The following TMEM117 variants were observed in gnomAD, a reference collection of about 807,000 sequenced individuals.
TMEM117 encodes the protein transmembrane protein 117.
A neutral mutation model predicts 52.4 loss-of-function variants in TMEM117; 27 were observed. That is an observed-to-expected ratio of 0.51 (90% CI 0.38 to 0.71). TMEM117 has a LOEUF of 0.71. Among genes scored for constraint, TMEM117 ranks in the 30% least tolerant of loss-of-function variants. The pLI is 0.00. For missense variants in TMEM117, 556 were observed against 630.5 expected, an observed-to-expected ratio of 0.88 and a Z score of 1.26; for synonymous variants, 215 against 206.3, an observed-to-expected ratio of 1.04 and a Z score of -0.36.
chr12:44,351,189 AT>A (rs576479030), intron 6 of TMEM117, among the ~76,000 whole-genome samples: 62 of 151,952 alleles, frequency 4.1e-4, no homozygotes, highest in African/African-American at 1.2e-3. Context: ...TCTTTTGTCT[AT>A]TTTTTATTGG....
At chr12:44,394,448 C>T (rs546024800), downstream of TMEM117, among the ~76,000 whole-genome samples, 12 of 152,310 alleles carry the variant, frequency 7.9e-5, no homozygotes, top group South Asian at 2.5e-3. Flanking sequence ...TCCCAATTTT[C>T]TGTCCCTGTT....
intron 3 of TMEM117, among the ~76,000 whole-genome samples, chr12:44,092,387 A>G (rs1020400035): frequency 9.9e-5 from 15 of 152,188 alleles, no homozygotes; most frequent in African/African-American, 3.6e-4. Flanking sequence ...TGGGCCAGGT[A>G]CTGATGGGTA....
chr12:43,796,689 C>T, the TMEM117 span, among the ~76,000 whole-genome samples: 5 of 152,134 alleles, frequency 3.3e-5, no homozygotes, highest in African/African-American at 1.2e-4. Flanking sequence ...CCAGTAGCCA[C>T]ATTTAGCTAA....
At chr12:44,280,877 T>C (rs933013287) in intron 5 of TMEM117, among the ~76,000 whole-genome samples, 1 of 151,388 alleles carries the variant, frequency 6.6e-6, no homozygotes, top group African/African-American at 2.4e-5. Flanking sequence ...CCACTGAGTT[T>C]ACCAAACAAG....
intron 2 of TMEM117, among the ~76,000 whole-genome samples, chr12:43,853,784 G>A (rs753491818): frequency 9.2e-5 from 14 of 152,158 alleles, no homozygotes; most frequent in Non-Finnish European, 1.8e-4. Flanking sequence ...TGAGAATTTA[G>A]GAGAGAGGAT....
chr12:44,319,655 A>G (rs2138695778), intron 6 of TMEM117, among the ~76,000 whole-genome samples: 1 of 152,366 alleles, frequency 6.6e-6, no homozygotes, highest in Admixed American at 6.5e-5. Flanking sequence ...AAGAAAAATA[A>G]TGCATTTTCT....
intron 5 of TMEM117, among the ~76,000 whole-genome samples, chr12:44,282,693 C>T (rs1044867477): frequency 5.3e-5 from 8 of 152,182 alleles, no homozygotes; most frequent in African/African-American, 1.9e-4. Context: ...TGCAGCCTGA[C>T]TATGTGACAG....
intron 3 of TMEM117, among the ~76,000 whole-genome samples, chr12:44,015,918 G>A (rs1946367089): frequency 6.6e-6 from 1 of 152,116 alleles, no homozygotes; most frequent in South Asian, 2.1e-4. Context: ...TTTTGATGTA[G>A]AGAGTTTTAT....
At chr12:44,202,995 A>T (rs1273564176) in intron 4 of TMEM117, among the ~76,000 whole-genome samples, 1 of 151,764 alleles carries the variant, frequency 6.6e-6, no homozygotes, top group East Asian at 1.9e-4. Flanking sequence ...GGGTTTTGGT[A>T]TGTTGGCTAC....
chr12:43,959,020 G>T (rs1448987693), intron 3 of TMEM117, among the ~76,000 whole-genome samples: 1 of 152,084 alleles, frequency 6.6e-6, no homozygotes, highest in Non-Finnish European at 1.5e-5. Flanking sequence ...TGTTCGCCAG[G>T]ATGGTCTTGA....
chr12:43,969,428 C>A (rs929848608), intron 3 of TMEM117, among the ~76,000 whole-genome samples: 1 of 149,680 alleles, frequency 6.7e-6, no homozygotes, highest in Non-Finnish European at 1.5e-5. Context: ...AAAGCTAAGG[C>A]AGAGAATTGC....
At chr12:44,217,136 G>A (rs1028559413) in intron 5 of TMEM117, among the ~76,000 whole-genome samples, 2 of 151,998 alleles carry the variant, frequency 1.3e-5, no homozygotes, top group South Asian at 4.1e-4. Flanking sequence ...AATACAATAA[G>A]GTAATAAAAA....
At chr12:44,087,931 A>G (rs1038689949) in intron 3 of TMEM117, among the ~76,000 whole-genome samples, 1 of 152,206 alleles carries the variant, frequency 6.6e-6, no homozygotes, top group Non-Finnish European at 1.5e-5. Flanking sequence ...TGGTTCTCAA[A>G]CTTTTTGATA....
At chr12:44,359,279 G>A (rs1951691307) in intron 6 of TMEM117, among the ~76,000 whole-genome samples, 1 of 151,484 alleles carries the variant, frequency 6.6e-6, no homozygotes, top group African/African-American at 2.4e-5. Flanking sequence ...ATATATATGT[G>A]TGCACAAAAT....
intron 6 of TMEM117, among the ~76,000 whole-genome samples, chr12:44,332,714 C>CACAT (rs1951288042): frequency 1.0e-5 from 1 of 100,196 alleles, no homozygotes; most frequent in Non-Finnish European, 1.9e-5. Context: ...ACTGTTACTA[C>CACAT]ACACACACAC....
At chr12:44,108,539 CA>C (rs1382618134) in intron 3 of TMEM117, among the ~76,000 whole-genome samples, 1 of 91,802 alleles carries the variant, frequency 1.1e-5, no homozygotes, top group Non-Finnish European at 1.9e-5. Flanking sequence ...ATGAACTCAT[CA>C]TTTTTTATGG....
chr12:44,215,376 A>G lies in TMEM117; in HGVS notation c.608+3989A>G, dbSNP rs1949702120. 2.0e-5 allele frequency among the ~76,000 whole-genome samples: 3 copies of G among 152,182 alleles called. No individual in the cohort carries two copies. In the South Asian group the frequency reaches 6.2e-4, roughly 31 times the overall value. On this transcript the variant is annotated intron_variant, in intron 5 of 7. Transcript: ENST00000266534. ...AGGCTGCTGTAGCACCTGGGCTTTCATATTGCAAGGGAGCCTAAATAGTGG... is the reference window on the plus strand; with the variant it reads ...AGGCTGCTGTAGCACCTGGGCTTTCGTATTGCAAGGGAGCCTAAATAGTGG...
intron 4 of TMEM117, among the ~76,000 whole-genome samples, chr12:44,147,134 A>G (rs1016271342): frequency 1.3e-5 from 2 of 152,192 alleles, no homozygotes; most frequent in Non-Finnish European, 1.5e-5. Context: ...AAATAGGTTA[A>G]TATGTAAGAA....
At chr12:44,056,041 A>G (rs937568072) in intron 3 of TMEM117, among the ~76,000 whole-genome samples, 3 of 152,126 alleles carry the variant, frequency 2.0e-5, no homozygotes, top group South Asian at 2.1e-4. Flanking sequence ...ATATAGATGC[A>G]TACGTATTTT....
Sources: gnomAD v4.1 joint callset for allele counts (sites outside exome capture counted in the v4.1 genomes callset) on GRCh38, gnomAD v4.1.1 for gene constraint, MANE v1.5 for transcripts, NCBI Gene and HGNC (gene_info 2026-07-23, HGNC 2026-07-21) for gene names.